SAMMSON: variants seen among roughly 807,000 people sequenced by gnomAD.
The protein encoded by SAMMSON is long intergenic non-protein coding RNA 1212.
intron 4 of SAMMSON, among the ~76,000 whole-genome samples, chr3:70,187,683 G>A (rs1486742204): frequency 5.3e-5 from 8 of 151,592 alleles, no homozygotes; most frequent in East Asian, 2.0e-4. Flanking sequence ...TGATCCGCCC[G>A]TCTCGGCCTC....
intron 6 of SAMMSON, among the ~76,000 whole-genome samples, chr3:70,281,489 A>C (rs1475900114): frequency 2.0e-5 from 3 of 152,158 alleles, no homozygotes; most frequent in Admixed American, 2.0e-4. Context: ...TCTGACATGC[A>C]TTTTCCTTAA....
intron 7 of SAMMSON, among the ~76,000 whole-genome samples, chr3:70,306,875 T>C (rs1311905550): frequency 1.3e-5 from 2 of 152,204 alleles, no homozygotes; most frequent in African/African-American, 4.8e-5. Flanking sequence ...GTCTTGACTT[T>C]GCTCATATGT....
At chr3:70,173,793 A>G (rs150066726) in intron 4 of SAMMSON, among the ~76,000 whole-genome samples, 166 of 152,072 alleles carry the variant, frequency 1.1e-3, no homozygotes, top group Non-Finnish European at 2.0e-3. Flanking sequence ...AAACAGTACT[A>G]GCAGCACTAA....
chr3:70,143,756 G>A (rs2067537365), intron 4 of SAMMSON, among the ~76,000 whole-genome samples: 1 of 152,134 alleles, frequency 6.6e-6, no homozygotes, highest in Non-Finnish European at 1.5e-5. Context: ...TAGCATTGGT[G>A]TGTTTCACCA....
intron 4 of SAMMSON, among the ~76,000 whole-genome samples, chr3:70,130,735 G>T (rs2067479432): frequency 6.6e-6 from 1 of 152,028 alleles, no homozygotes. Context: ...CTTCAACTAG[G>T]TTCTCAGCCA....
At chr3:70,145,951 C>T (rs565671941) in intron 4 of SAMMSON, among the ~76,000 whole-genome samples, 1 of 151,746 alleles carries the variant, frequency 6.6e-6, no homozygotes, top group Non-Finnish European at 1.5e-5. Flanking sequence ...ATTGACAATC[C>T]TCTAAGAAAA....
chr3:70,376,118 A>C (rs1446489228), intron 9 of SAMMSON, among the ~76,000 whole-genome samples: 2 of 152,226 alleles, frequency 1.3e-5, no homozygotes, highest in African/African-American at 2.4e-5. Context: ...CTGCAGAAGA[A>C]TCAAAAGAAG....
chr3:70,176,538 A>G (rs990059978), intron 4 of SAMMSON, among the ~76,000 whole-genome samples: 1 of 152,172 alleles, frequency 6.6e-6, no homozygotes, highest in Non-Finnish European at 1.5e-5. Context: ...CCTCAAAATG[A>G]TGTTCTATGA....
chr3:70,355,114 C>T (rs866755952), intron 8 of SAMMSON, among the ~76,000 whole-genome samples: 1 of 152,124 alleles, frequency 6.6e-6, no homozygotes, highest in Non-Finnish European at 1.5e-5. Flanking sequence ...GCCTAACTCT[C>T]GGGTAGGAGA....
At chr3:70,078,286 G>A (rs1559786567) in intron 4 of SAMMSON, among the ~76,000 whole-genome samples, 1 of 152,228 alleles carries the variant, frequency 6.6e-6, no homozygotes, top group East Asian at 1.9e-4. Context: ...TCACCAGTTA[G>A]ATAGCAAAAA....
At chr3:70,033,223 C>T (rs1230344516) in intron 3 of SAMMSON, among the ~76,000 whole-genome samples, 1 of 152,174 alleles carries the variant, frequency 6.6e-6, no homozygotes, top group Admixed American at 6.5e-5. Flanking sequence ...TTTCCTTCTT[C>T]CCTTTCTCAG....
intron 7 of SAMMSON, among the ~76,000 whole-genome samples, chr3:70,304,707 C>G (rs771474700): frequency 1.3e-5 from 2 of 152,146 alleles, no homozygotes; most frequent in Admixed American, 6.6e-5. Context: ...AACAGCAATA[C>G]TCTCCTACTT....
At chr3:70,340,304 A>C (rs1702702123) in intron 7 of SAMMSON, among the ~76,000 whole-genome samples, 1 of 151,332 alleles carries the variant, frequency 6.6e-6, no homozygotes, top group Non-Finnish European at 1.5e-5. Context: ...TGATGAGTTA[A>C]TGGGTGCAGC....
At chr3:70,168,549 A>G (rs2067647125) in intron 4 of SAMMSON, among the ~76,000 whole-genome samples, 2 of 152,140 alleles carry the variant, frequency 1.3e-5, no homozygotes, top group South Asian at 2.1e-4. Context: ...GCTCTTTGAA[A>G]TATGCGACTA....
At chr3:70,399,983 T>A (rs1006970745) in intron 2 of SAMMSON, among the ~76,000 whole-genome samples, 1 of 152,132 alleles carries the variant, frequency 6.6e-6, no homozygotes, top group Non-Finnish European at 1.5e-5. Context: ...GGGGTAGATT[T>A]TTTTAAGTAA....
chr3:70,341,019 G>A (rs1468520783), intron 7 of SAMMSON, among the ~76,000 whole-genome samples: 1 of 152,092 alleles, frequency 6.6e-6, no homozygotes, highest in African/African-American at 2.4e-5. Context: ...CTCTCAGGGT[G>A]GCTGTGTAAT....
intron 7 of SAMMSON, among the ~76,000 whole-genome samples, chr3:70,292,573 T>C (rs915789849): frequency 1.3e-5 from 2 of 152,158 alleles, no homozygotes; most frequent in Non-Finnish European, 2.9e-5. Context: ...TGTAAGTATT[T>C]TTTATGCCAA....
At chr3:70,108,440 T>TTTTTTTTTTTTTTTTTTTTTA (rs1559792606) in intron 4 of SAMMSON, among the ~76,000 whole-genome samples, 2 of 148,490 alleles carry the variant, frequency 1.3e-5, no homozygotes, top group African/African-American at 5.0e-5. Context: ...TTTTTTTTTT[T>TTTTTTTTTTTTTTTTTTTTTA]TATCATAACT....
At chr3:70,410,947 A>G (rs1391616917) in intron 2 of SAMMSON, among the ~76,000 whole-genome samples, 1 of 152,114 alleles carries the variant, frequency 6.6e-6, no homozygotes, top group Non-Finnish European at 1.5e-5. Context: ...GTTACCACCT[A>G]TTGGGCTGTA....
Sources: gnomAD v4.1 joint callset for allele counts (sites outside exome capture counted in the v4.1 genomes callset) on GRCh38, gnomAD v4.1.1 for gene constraint, MANE v1.5 for transcripts, NCBI Gene and HGNC (gene_info 2026-07-23, HGNC 2026-07-21) for gene names.